MCC: variants seen among roughly 807,000 people sequenced by gnomAD.
The protein encoded by MCC is colorectal mutant cancer protein.
Under a neutral mutation model 116.2 loss-of-function variants are expected in MCC, and 90 were observed. The ratio of observed to expected loss-of-function variants is 0.77; its 90% CI spans 0.65 to 0.92. The LOEUF (loss-of-function observed/expected upper bound fraction) is 0.92. Ranked by LOEUF, MCC falls within the 40% of genes least tolerant of loss-of-function variation. MCC has a pLI of 0.00. For synonymous variants in MCC, 578 were observed against 510.5 expected, an observed-to-expected ratio of 1.13 and a Z score of -1.78; for missense variants, 1,516 against 1,312.2, an observed-to-expected ratio of 1.16 and a Z score of -2.40.
intron 5 of MCC, among the ~76,000 whole-genome samples, chr5:113,128,576 T>C (rs1026243597): frequency 2.8e-4 from 42 of 152,344 alleles, no homozygotes; most frequent in African/African-American, 9.9e-4. Flanking sequence ...ATCAGACTCA[T>C]CTATGAATCT....
intron 3 of MCC, among the ~76,000 whole-genome samples, chr5:113,333,828 T>TATATGTATATATGTAC (rs1767773076): frequency 8.1e-5 from 1 of 12,274 alleles, no homozygotes; most frequent in African/African-American, 1.2e-4. Flanking sequence ...TACATATATG[T>TATATGTATATATGTAC]ATATATGTAT....
At chr5:113,097,253 C>G (rs6874314) in intron 8 of MCC, among the ~76,000 whole-genome samples, 68,823 of 151,550 alleles carry the variant, frequency 0.45, 17,112 homozygotes, top group African/African-American at 0.68. Context: ...AGAAAAAAAG[C>G]AATCGCATAC....
intron 2 of MCC, among the ~76,000 whole-genome samples, chr5:113,345,688 G>A (rs1378965876): frequency 1.3e-5 from 2 of 152,224 alleles, no homozygotes; most frequent in Non-Finnish European, 2.9e-5. Context: ...CTAAGAGTCT[G>A]AAAAATACAC....
At chr5:113,119,531 G>A (rs1378776653) in intron 6 of MCC, among the ~76,000 whole-genome samples, 2 of 152,194 alleles carry the variant, frequency 1.3e-5, no homozygotes, top group Non-Finnish European at 2.9e-5. Flanking sequence ...CAGGACAAAT[G>A]GCCAAGGAGG....
chr5:113,480,693 G>T (rs1772356643), intron 1 of MCC, among the ~76,000 whole-genome samples: 1 of 152,210 alleles, frequency 6.6e-6, no homozygotes, highest in Admixed American at 6.5e-5. Context: ...TAAATATTTT[G>T]ATGTCACAGA....
intron 1 of MCC, among the ~76,000 whole-genome samples, chr5:113,425,793 T>C (rs1474590413): frequency 2.0e-5 from 3 of 152,044 alleles, no homozygotes; most frequent in Non-Finnish European, 4.4e-5. Context: ...ATTAGGGATT[T>C]TGAATATCTA....
intron 6 of MCC, among the ~76,000 whole-genome samples, chr5:113,113,876 T>A (rs1269466799): frequency 6.6e-6 from 1 of 152,050 alleles, no homozygotes; most frequent in Non-Finnish European, 1.5e-5. Context: ...TGACTGGATC[T>A]GGGACTAAAC....
At chr5:113,210,080 T>C (rs1485269429) in intron 3 of MCC, among the ~76,000 whole-genome samples, 1 of 152,184 alleles carries the variant, frequency 6.6e-6, no homozygotes, top group African/African-American at 2.4e-5. Context: ...ATATACCCTA[T>C]GACATTCATT....
chr5:113,248,390 T>C (rs770564253), intron 3 of MCC, among the ~76,000 whole-genome samples: 16 of 152,128 alleles, frequency 1.1e-4, no homozygotes, highest in Admixed American at 1.3e-4. Flanking sequence ...TCAAAGCAGG[T>C]ACTATGCTCA....
chr5:113,135,037 G>A (rs1758726709), intron 5 of MCC, among the ~76,000 whole-genome samples: 2 of 150,922 alleles, frequency 1.3e-5, no homozygotes, highest in South Asian at 4.2e-4. Flanking sequence ...CGCCTCCCGG[G>A]TTCAAGCAAT....
intron 5 of MCC, among the ~76,000 whole-genome samples, chr5:113,133,787 C>T (rs1292664807): frequency 6.6e-6 from 1 of 152,152 alleles, no homozygotes; most frequent in African/African-American, 2.4e-5. Context: ...TTGCCAGCAT[C>T]CATTATTCCC....
intron 11 of MCC, among the ~76,000 whole-genome samples, chr5:113,075,087 C>A (rs984788361): frequency 6.6e-6 from 1 of 152,182 alleles, no homozygotes; most frequent in Non-Finnish European, 1.5e-5. Flanking sequence ...TGGGCCAGCA[C>A]GAGTTCCAGC....
intron 1 of MCC, among the ~76,000 whole-genome samples, chr5:113,465,173 A>G (rs1344115475): frequency 6.6e-6 from 1 of 151,082 alleles, no homozygotes; most frequent in African/African-American, 2.4e-5. Flanking sequence ...ATAAAGCAAC[A>G]GTATTGAGCT....
chr5:113,104,074 C>T (rs1756588534), intron 7 of MCC, 118 bp downstream of exon 7: 1 of 1,065,520 alleles, frequency 9.4e-7, no homozygotes, highest in Admixed American at 2.7e-5. Context: ...TATTGTATGG[C>T]TCTCATGGAA....
intron 1 of MCC, among the ~76,000 whole-genome samples, chr5:113,428,033 T>C (rs1371177649): frequency 6.6e-6 from 1 of 152,126 alleles, no homozygotes; most frequent in Non-Finnish European, 1.5e-5. Context: ...CTATCAGTAA[T>C]TTTCAATTAA....
intron 12 of MCC, among the ~76,000 whole-genome samples, chr5:113,070,737 G>A (rs1329720808): frequency 1.3e-5 from 2 of 152,090 alleles, no homozygotes; most frequent in Non-Finnish European, 2.9e-5. Flanking sequence ...AACATTTTAA[G>A]ACTACAACAA....
chr5:113,339,438 T>TGTGTGTGTGTGCGCGC (rs145838279), intron 3 of MCC, among the ~76,000 whole-genome samples: 175 of 149,668 alleles, frequency 1.2e-3, no homozygotes, highest in Admixed American at 5.7e-3. Context: ...TGTGTGTGTG[T>TGTGTGTGTGTGCGCGC]GCGTGCATGT....
At chr5:113,272,898 C>T (rs575333654) in intron 3 of MCC, among the ~76,000 whole-genome samples, 34 of 152,288 alleles carry the variant, frequency 2.2e-4, no homozygotes, top group Admixed American at 1.8e-3. Flanking sequence ...CTGATTATCA[C>T]GTGGGTAGGC....
intron 3 of MCC, among the ~76,000 whole-genome samples, chr5:113,270,296 G>A (rs1037410699): frequency 6.6e-6 from 1 of 152,040 alleles, no homozygotes; most frequent in Admixed American, 6.6e-5. Flanking sequence ...CCACGCCAGG[G>A]TGTCCAAACA....
Sources: gnomAD v4.1 joint callset for allele counts (sites outside exome capture counted in the v4.1 genomes callset) on GRCh38, gnomAD v4.1.1 for gene constraint, MANE v1.5 for transcripts, NCBI Gene and HGNC (gene_info 2026-07-23, HGNC 2026-07-21) for gene names.